MME: variants seen among roughly 807,000 people sequenced by gnomAD.
MME encodes neprilysin.
A neutral mutation model predicts 113.2 loss-of-function variants in MME; 98 were observed. The ratio of observed to expected loss-of-function variants is 0.87; its 90% confidence interval spans 0.74 to 1.02. The LOEUF is 1.02. Ranked by LOEUF, MME falls within the 50% of genes least tolerant of loss-of-function variation. The pLI is 0.00. For synonymous variants in MME, 292 were observed against 300.6 expected (o/e 0.97, Z 0.30); for missense variants, 836 against 896.0 (o/e 0.93, Z 0.86).
At chr3:155,085,409 A>G (rs1310032786) in intron 3 of MME, 3 of 200,340 alleles carry the variant, frequency 1.5e-5, no homozygotes, top group Admixed American at 1.2e-4. Context: ...TAAGTTTCGT[A>G]TCATTGTGTT....
chr3:155,061,291 A>C (rs531186847), intron 1 of MME, among the ~76,000 whole-genome samples: 1 of 152,084 alleles, frequency 6.6e-6, no homozygotes, highest in Non-Finnish European at 1.5e-5. Context: ...CTCTACTAAA[A>C]ATACAAAAAA....
At chr3:155,145,632 T>C (rs1030581692) in intron 14 of MME, among the ~76,000 whole-genome samples, 2 of 152,120 alleles carry the variant, frequency 1.3e-5, no homozygotes, top group African/African-American at 4.8e-5. Flanking sequence ...ATCCTGGATA[T>C]TTATAATAAC....
chr3:155,106,400 G>T (rs1339997702), intron 3 of MME, among the ~76,000 whole-genome samples: 1 of 152,136 alleles, frequency 6.6e-6, no homozygotes, highest in Non-Finnish European at 1.5e-5. Flanking sequence ...GCAATTTGGG[G>T]GCAGGCATTT....
chr3:155,038,897 G>A (rs1713217027), intron 1 of MME, among the ~76,000 whole-genome samples: 1 of 152,076 alleles, frequency 6.6e-6, no homozygotes, highest in South Asian at 2.1e-4. Context: ...GCATTATCAA[G>A]TAAAATACAG....
intron 3 of MME, among the ~76,000 whole-genome samples, chr3:155,105,625 G>A (rs1258508154): frequency 1.3e-5 from 2 of 152,128 alleles, no homozygotes; most frequent in African/African-American, 4.8e-5. Flanking sequence ...CTGGCCACCA[G>A]GTTTCTTGAG....
intron 1 of MME, among the ~76,000 whole-genome samples, chr3:155,051,755 G>A (rs1018653662): frequency 1.1e-4 from 17 of 152,152 alleles, no homozygotes; most frequent in South Asian, 4.2e-4. Flanking sequence ...ATATCATTCC[G>A]TCTCTGACCA....
chr3:155,117,135 C>T, intron 7 of MME, 149 bp downstream of exon 7: 1 of 635,220 alleles, frequency 1.6e-6, no homozygotes, highest in East Asian at 2.8e-5. Flanking sequence ...GTCCCTAATA[C>T]CTGGAGTTCC....
Position 155,107,755 on chromosome 3 carries a change from C to A in MME, c.197-7239C>A, listed in dbSNP as rs184745718. Among the ~76,000 whole-genome samples, 3 of 152,318 alleles carry A rather than the reference C, an allele frequency of 2.0e-5. No homozygotes were observed. In the East Asian group the frequency reaches 5.8e-4, roughly 29 times the overall value. ...ACTGGTGAAAAAACTTTGAGTCTTT[C>A]TACACACATGTACTCAGCTGAGATT... is the stretch of plus-strand genomic sequence containing the variant. On this transcript the variant is annotated intron_variant, in intron 3 of 22. Coordinates refer to ENST00000360490, the MANE Select transcript of MME (RefSeq NM_007289.4).
intron 8 of MME, among the ~76,000 whole-genome samples, chr3:155,121,396 G>A (rs1364396672): frequency 4.6e-5 from 7 of 151,014 alleles, no homozygotes; most frequent in Non-Finnish European, 8.9e-5. Flanking sequence ...TTCCTAATTG[G>A]ATACCCTTTA....
intron 3 of MME, among the ~76,000 whole-genome samples, chr3:155,098,293 C>T (rs1048467639): frequency 6.6e-5 from 10 of 152,064 alleles, no homozygotes; most frequent in Admixed American, 3.3e-4. Context: ...CAGTGGCTCA[C>T]GGCTGTAATC....
At chr3:155,038,732 A>G (rs1171147870) in intron 1 of MME, among the ~76,000 whole-genome samples, 1 of 151,932 alleles carries the variant, frequency 6.6e-6, no homozygotes, top group Admixed American at 6.6e-5. Flanking sequence ...TGTATAGAAG[A>G]CTCATGCTTA....
chr3:155,056,552 C>T (rs1378842311), intron 1 of MME, among the ~76,000 whole-genome samples: 2 of 149,150 alleles, frequency 1.3e-5, no homozygotes, highest in African/African-American at 5.0e-5. Flanking sequence ...GTATATGTGC[C>T]ACATTTTCTT....
intron 8 of MME, among the ~76,000 whole-genome samples, chr3:155,136,747 T>C (rs1720667450): frequency 6.6e-6 from 1 of 152,234 alleles, no homozygotes; most frequent in Admixed American, 6.5e-5. Flanking sequence ...AGTGAATATA[T>C]GGATGTTCCT....
At chr3:155,144,494 TTGCTAGTA>T (rs1157658106) in intron 14 of MME, 37 bp downstream of exon 14, 1 of 1,337,054 alleles carries the variant, frequency 7.5e-7, no homozygotes, top group East Asian at 2.3e-5. Flanking sequence ...AGAAAAATCT[TTGCTAGTA>T]TAGGAAAAAT....
chr3:155,079,672 G>C (rs1178077684), upstream of MME: 2 of 152,554 alleles, frequency 1.3e-5, no homozygotes, highest in African/African-American at 4.8e-5. Flanking sequence ...CGCGGGGCGC[G>C]GAGATGTGCA....
intron 22 of MME, among the ~76,000 whole-genome samples, chr3:155,178,636 GTT>G (rs987414929): frequency 6.6e-6 from 1 of 152,092 alleles, no homozygotes. Context: ...ATCTGTGGGG[GTT>G]TGGTTCCAGG....
At chr3:155,026,912 G>C (rs932712769) in intron 1 of MME, among the ~76,000 whole-genome samples, 1 of 152,088 alleles carries the variant, frequency 6.6e-6, no homozygotes, top group African/African-American at 2.4e-5. Flanking sequence ...CAAAACAAGA[G>C]TTTACAATAG....
chr3:155,175,328 T>C (rs1433112229), intron 22 of MME, among the ~76,000 whole-genome samples: 1 of 151,934 alleles, frequency 6.6e-6, no homozygotes, highest in East Asian at 1.9e-4. Flanking sequence ...CTGCCTTTAG[T>C]TCCCTAATTC....
intron 1 of MME, among the ~76,000 whole-genome samples, chr3:155,053,289 A>G (rs1713818829): frequency 6.6e-6 from 1 of 152,188 alleles, no homozygotes. Flanking sequence ...GTCTGTTTTC[A>G]TGCCGCTTTA....
Sources: gnomAD v4.1 joint callset for allele counts (sites outside exome capture counted in the v4.1 genomes callset) on GRCh38, gnomAD v4.1.1 for gene constraint, MANE v1.5 for transcripts, NCBI Gene and HGNC (gene_info 2026-07-23, HGNC 2026-07-21) for gene names.